Variants in VEZT observed in about 807,000 individuals in gnomAD.
The protein encoded by VEZT is vezatin, adherens junctions transmembrane protein.
Under a neutral mutation model 79.9 loss-of-function variants are expected in VEZT, and 39 were observed. The ratio of observed to expected loss-of-function variants is 0.49; its 90% CI spans 0.38 to 0.64. The LOEUF (loss-of-function observed/expected upper bound fraction) is 0.64, where lower values mean the gene tolerates loss of function less well. VEZT is among the 30% of genes least tolerant of loss of function. The pLI is 0.00. For missense variants in VEZT, 837 were observed against 893.1 expected (o/e 0.94, Z 0.80); for synonymous variants, 325 against 327.6 (o/e 0.99, Z 0.09).
intron 4 of VEZT, among the ~76,000 whole-genome samples, chr12:95,265,052 G>A (rs965742360): frequency 6.6e-6 from 1 of 151,450 alleles, no homozygotes; most frequent in Non-Finnish European, 1.5e-5. Flanking sequence ...GTAGAGAAGG[G>A]GTCCTACTGT....
At chr12:95,284,847 A>G (rs1403129437) in intron 8 of VEZT, among the ~76,000 whole-genome samples, 1 of 152,002 alleles carries the variant, frequency 6.6e-6, no homozygotes, top group Non-Finnish European at 1.5e-5. Flanking sequence ...ACAATATTCC[A>G]CTTTAAAGGC....
chr12:95,250,778 T>C (rs1478838014), intron 1 of VEZT, among the ~76,000 whole-genome samples: 1 of 143,938 alleles, frequency 6.9e-6, no homozygotes, highest in Non-Finnish European at 1.5e-5. Flanking sequence ...GTTCTGAAAA[T>C]CTGTGCTGTT....
intron 3 of VEZT, among the ~76,000 whole-genome samples, 167 bp downstream of exon 3, chr12:95,257,406 G>T (rs1328315985): frequency 1.3e-5 from 2 of 152,012 alleles, no homozygotes; most frequent in Non-Finnish European, 2.9e-5. Flanking sequence ...ATTGTTTATA[G>T]CTTTTAAAGA....
chr12:95,272,307 C>G (rs2066782934), intron 6 of VEZT, among the ~76,000 whole-genome samples: 1 of 151,972 alleles, frequency 6.6e-6, no homozygotes, highest in Non-Finnish European at 1.5e-5. Context: ...AAGAGAAGGC[C>G]TCTCTGAGGA....
intron 7 of VEZT, among the ~76,000 whole-genome samples, chr12:95,277,849 G>C (rs1270765336): frequency 6.6e-6 from 1 of 152,184 alleles, no homozygotes; most frequent in Non-Finnish European, 1.5e-5. Flanking sequence ...CTTTAAGAAG[G>C]ACTTGGAGAA....
chr12:95,290,407 G>T (rs532566566), intron 9 of VEZT, among the ~76,000 whole-genome samples: 75 of 152,240 alleles, frequency 4.9e-4, no homozygotes, highest in African/African-American at 1.8e-3. Flanking sequence ...CTAGGCTTTG[G>T]GAGGTGACTA....
Position 95,282,788 on chromosome 12 carries a change from T to G in VEZT, c.1328+144T>G, listed in dbSNP as rs565610379. 39 of 494,910 alleles carry G rather than the reference T, an allele frequency of 7.9e-5. 1 individual carries two copies. The highest frequency in any genetic ancestry group is 1.3e-4 in the Non-Finnish European group (39 of 305,562). The allele number at this position is 494,910 out of a possible 1,614,324, so 30.7% of individuals were successfully genotyped here. ...ATGAAGGGTGATTTATAGCTATAAA[T>G]ATAGCAAAAAAAAAAAATAATTTAT... On this transcript the variant is annotated intron_variant, in intron 8 of 11. Transcript: ENST00000436874.
chr12:95,288,544 C>T (rs1298990521), intron 9 of VEZT, among the ~76,000 whole-genome samples: 2 of 152,276 alleles, frequency 1.3e-5, no homozygotes, highest in East Asian at 3.9e-4. Flanking sequence ...TGTGAGGTTA[C>T]TCAGACTTAG....
intron 4 of VEZT, among the ~76,000 whole-genome samples, 188 bp from the exon 5 acceptor site, chr12:95,266,169 G>A (rs990199666): frequency 1.3e-5 from 2 of 152,118 alleles, no homozygotes; most frequent in South Asian, 2.1e-4. Flanking sequence ...GTCTAGTTGC[G>A]AGGTATTTTA....
chr12:95,275,363 C>T (rs1489567196), intron 7 of VEZT, among the ~76,000 whole-genome samples: 1 of 152,130 alleles, frequency 6.6e-6, no homozygotes, highest in African/African-American at 2.4e-5. Context: ...GAGGCCAAAG[C>T]AGGCAGATCA....
rs775187514 is a variant in VEZT, at chr12:95,282,440, C to G, written c.1124C>G (p.Ser375Cys). ...TPALLPHRIL[S>C]DVTQGLPHAH... ...GCACTTCTGCCTCATCGTATCTTAT[C>G]TGATGTGACTCAAGGTCTACCTCAT... The change falls in exon 8 of 12, where the codon TCT (serine) becomes TGT (cysteine). Residue 375 changes from serine to cysteine, a missense_variant. Coordinates refer to ENST00000436874, the MANE Select transcript of VEZT (RefSeq NM_017599.4). The G allele has an allele frequency of 1.2e-6, 2 of 1,613,980 alleles. No homozygotes were observed. Among genetic ancestry groups the G allele is most frequent in the South Asian group, 2.2e-5 (2 of 91,084 alleles).
chr12:95,282,275 T>C, intron 7 of VEZT, 38 bp from the exon 8 acceptor site: 1 of 1,472,328 alleles, frequency 6.8e-7, no homozygotes. Context: ...CTGACCAATA[T>C]TTTTATTGAT....
chr12:95,238,838 T>A (rs1040849301), intron 1 of VEZT, among the ~76,000 whole-genome samples: 1 of 152,250 alleles, frequency 6.6e-6, no homozygotes, highest in Middle Eastern at 3.2e-3. Flanking sequence ...TTTCATTTTT[T>A]ATACTTCTTG....
rs1455485964 is a variant in VEZT at position 95,287,745 on chromosome 12, C to G, written c.1410C>G (p.Ile470Met). Residue 470 changes from isoleucine (I) to methionine (M), a missense_variant, in exon 9 of 12, where the codon ATC (isoleucine) becomes ATG (methionine). Transcript: ENST00000436874. ...TQELVSEAYP[I>M]LEQKLKLIQP... ...AACTAGTGTCAGAGGCTTATCCCATCCTAGAACAGAAATTAAAGTTGATTC... is the reference window on the plus strand; with the variant it reads ...AACTAGTGTCAGAGGCTTATCCCATGCTAGAACAGAAATTAAAGTTGATTC... 6.2e-7 allele frequency: 1 copy of G among 1,603,356 alleles called. No individual in the cohort carries two copies. The highest frequency in any genetic ancestry group is 8.5e-7 in the Non-Finnish European group (1 of 1,174,424).
intron 4 of VEZT, 82 bp from the exon 5 acceptor site, chr12:95,266,275 A>C (rs1166220644): frequency 2.8e-6 from 4 of 1,427,906 alleles, no homozygotes; most frequent in Non-Finnish European, 3.8e-6. Context: ...CCTAAATTTA[A>C]ATTTTGTTTT....
intron 9 of VEZT, among the ~76,000 whole-genome samples, chr12:95,291,371 T>C (rs1174428438): frequency 6.6e-6 from 1 of 152,238 alleles, no homozygotes; most frequent in Non-Finnish European, 1.5e-5. Flanking sequence ...TTGTTACAAA[T>C]GCACCCCTGA....
intron 5 of VEZT, 141 bp from the exon 6 acceptor site, chr12:95,269,910 A>G (rs2066266814): frequency 1.1e-6 from 1 of 880,172 alleles, no homozygotes; most frequent in Non-Finnish European, 1.7e-6. Context: ...CTGAGTTGAC[A>G]TATGTATAAT....
At chr12:95,297,338 T>C (rs2074376142) in intron 11 of VEZT, among the ~76,000 whole-genome samples, 1 of 152,216 alleles carries the variant, frequency 6.6e-6, no homozygotes, top group East Asian at 1.9e-4. Flanking sequence ...CTGCCCTGCT[T>C]TTCCCTCCTC....
chr12:95,251,695 C>CA (rs533719857), intron 1 of VEZT, among the ~76,000 whole-genome samples: 15 of 149,024 alleles, frequency 1.0e-4, no homozygotes, highest in South Asian at 2.1e-4. Flanking sequence ...GGTACTCACT[C>CA]AAAAAAAAAA....
Sources: allele counts gnomAD v4.1 joint callset (sites outside exome capture counted in the v4.1 genomes callset), GRCh38; gene constraint gnomAD v4.1.1; transcripts MANE v1.5; gene names NCBI Gene and HGNC (gene_info 2026-07-23, HGNC 2026-07-21).